Variants in TMEM181 observed in about 807,000 individuals in gnomAD.
TMEM181 encodes the protein transmembrane protein 181.
TMEM181 carries 39 observed loss-of-function variants against 71.9 expected under a neutral mutation model. The observed-to-expected ratio is 0.54, with a 90% CI of 0.42 to 0.71. The LOEUF (loss-of-function observed/expected upper bound fraction) is 0.71, where lower values mean the gene tolerates loss of function less well. Ranked by LOEUF, TMEM181 falls within the 30% of genes least tolerant of loss-of-function variation. TMEM181 has a pLI of 0.00. For synonymous variants in TMEM181, 245 were observed against 228.8 expected (o/e 1.07, Z -0.64); for missense variants, 595 against 583.0 (o/e 1.02, Z -0.21).
At chr6:158,551,264 T>C (rs1781716376) in intron 1 of TMEM181, among the ~76,000 whole-genome samples, 1 of 152,154 alleles carries the variant, frequency 6.6e-6, no homozygotes, top group South Asian at 2.1e-4. Context: ...CCGGCTCAAT[T>C]ATTTAATTTT....
chr6:158,604,349 T>C (rs62437848), intron 6 of TMEM181, among the ~76,000 whole-genome samples: 1 of 145,852 alleles, frequency 6.9e-6, no homozygotes, highest in South Asian at 2.2e-4. Flanking sequence ...TGTGTGTGTG[T>C]GTGCGTGATG....
At chr6:158,627,883 G>A (rs980397641) in intron 13 of TMEM181, among the ~76,000 whole-genome samples, 1 of 152,188 alleles carries the variant, frequency 6.6e-6, no homozygotes, top group Non-Finnish European at 1.5e-5. Flanking sequence ...CCTGTGTCCC[G>A]AGGCCTCTGT....
chr6:158,581,751 C>T (rs774143387), intron 3 of TMEM181, among the ~76,000 whole-genome samples: 178 of 15,306 alleles, frequency 0.012, 1 homozygote, highest in Non-Finnish European at 0.017. Context: ...GAGACTCTGT[C>T]TCAAAAAAAA....
Position 158,597,147 on chromosome 6 carries a change from G to A in TMEM181, c.492+7365G>A, listed in dbSNP as rs181971924. 5.0e-4 allele frequency among the ~76,000 whole-genome samples: 76 copies of A among 152,224 alleles called. 1 individual carries two copies. In the East Asian group the frequency reaches 9.7e-3, roughly 19 times the overall value. On this transcript the variant is annotated intron_variant, in intron 6 of 16. Transcript: ENST00000684151. ...TCCATCTGGCACTGTTGTTGATGCCGTCTCCCTTTAACTCAAGAAGCTGAT... is the reference window on the plus strand; with the variant it reads ...TCCATCTGGCACTGTTGTTGATGCCATCTCCCTTTAACTCAAGAAGCTGAT...
At chr6:158,583,528 G>T (rs1184177768) in intron 3 of TMEM181, among the ~76,000 whole-genome samples, 2 of 152,184 alleles carry the variant, frequency 1.3e-5, no homozygotes, top group African/African-American at 4.8e-5. Flanking sequence ...ATGGCCGGGC[G>T]CAGTGGCTAA....
chr6:158,557,505 A>ATTAATTATTTATTTATTTAT (rs1554301648), upstream of TMEM181, among the ~76,000 whole-genome samples: 6 of 146,834 alleles, frequency 4.1e-5, no homozygotes, highest in African/African-American at 1.5e-4. Context: ...CACAGCTGTA[A>ATTAATTATTTATTTATTTAT]TTATTTATTT....
rs1319038901 is a variant in TMEM181 at position 158,629,934 on chromosome 6, CTT to C, written c.1282+116_1282+117del. ...ATGTGGGCGCTGTGATTCCCAGTGA[CTT>C]CTCTTGGCAGAGAGAGAGTGAGTTG... On this transcript the variant is annotated intron_variant, in intron 15 of 16. Coordinates refer to ENST00000684151, the MANE Select transcript of TMEM181 (RefSeq NM_001376852.1). 7 of 858,498 alleles carry C rather than the reference CTT, an allele frequency of 8.2e-6. No individual in the cohort carries two copies. In the Admixed American group the frequency reaches 1.4e-4, roughly 17 times the overall value. The allele number at this position is 858,498 out of a possible 1,614,324, so 53.2% of individuals were successfully genotyped here.
At chr6:158,582,058 G>A (rs1389486514) in intron 3 of TMEM181, among the ~76,000 whole-genome samples, 3 of 152,048 alleles carry the variant, frequency 2.0e-5, no homozygotes, top group African/African-American at 7.2e-5. Flanking sequence ...AAAGTCAAAA[G>A]AAGAAAAAGT....
intron 1 of TMEM181, among the ~76,000 whole-genome samples, chr6:158,540,004 C>A (rs1207343246): frequency 6.6e-6 from 1 of 152,138 alleles, no homozygotes; most frequent in African/African-American, 2.4e-5. Context: ...CCAGTCTAAA[C>A]AATAAGGGAA....
At chr6:158,623,408 T>C (rs9347247) in intron 10 of TMEM181, 142 bp from the exon 11 acceptor site, 157,020 of 512,602 alleles carry the variant, frequency 0.31, 26,790 homozygotes, top group East Asian at 0.65. Flanking sequence ...AAATTTAGGA[T>C]TGCTTTGTAA....
At chr6:158,574,801 G>A (rs922398934) in intron 2 of TMEM181, among the ~76,000 whole-genome samples, 1 of 152,146 alleles carries the variant, frequency 6.6e-6, no homozygotes, top group Non-Finnish European at 1.5e-5. Flanking sequence ...TCTATTATAA[G>A]GAATTGGTAC....
intron 2 of TMEM181, among the ~76,000 whole-genome samples, chr6:158,575,290 T>C (rs1367437913): frequency 6.6e-6 from 1 of 152,192 alleles, no homozygotes; most frequent in African/African-American, 2.4e-5. Context: ...TTAGTAACTG[T>C]CATTTTGCAA....
At chr6:158,579,360 T>G (rs2128297870) in intron 2 of TMEM181, among the ~76,000 whole-genome samples, 1 of 151,988 alleles carries the variant, frequency 6.6e-6, no homozygotes, top group East Asian at 1.9e-4. Flanking sequence ...ACAGTATCCA[T>G]TGACAGATAA....
rs41267045 is a variant in TMEM181, at chr6:158,628,359, C to T, written c.1110-49C>T. 371 of 1,568,562 alleles carry T rather than the reference C, an allele frequency of 2.4e-4. 2 individuals are homozygous for T. Among genetic ancestry groups the T allele is most frequent in the Middle Eastern group, 1.8e-3 (11 of 5,996 alleles). On this transcript the variant is annotated intron_variant, in intron 13 of 16. Coordinates refer to ENST00000684151, the MANE Select transcript of TMEM181 (RefSeq NM_001376852.1). ...ATAGAGAATTCTCTGAAGCTAGTGC[C>T]GTTTTCGTGCATGTTTACATATTGT...
intron 1 of TMEM181, among the ~76,000 whole-genome samples, chr6:158,550,219 G>A (rs983281152): frequency 1.3e-5 from 2 of 151,686 alleles, no homozygotes; most frequent in Non-Finnish European, 2.9e-5. Flanking sequence ...GGGACTGGCT[G>A]TGAGGCTAAG....
chr6:158,608,786 G>A, intron 10 of TMEM181, 36 bp downstream of exon 10: 6 of 1,591,800 alleles, frequency 3.8e-6, no homozygotes, highest in Non-Finnish European at 5.1e-6. Flanking sequence ...CTTCAGTCAT[G>A]AAAAGCATTT....
At chr6:158,579,180 A>G (rs1783329185) in intron 2 of TMEM181, among the ~76,000 whole-genome samples, 1 of 151,712 alleles carries the variant, frequency 6.6e-6, no homozygotes. Flanking sequence ...AAACACTTGA[A>G]CCCAGGAGGC....
intron 3 of TMEM181, among the ~76,000 whole-genome samples, chr6:158,583,237 AAAT>A (rs1388390608): frequency 1.3e-5 from 2 of 152,182 alleles, no homozygotes; most frequent in South Asian, 2.1e-4. Context: ...CCGTCTCAAA[AAAT>A]AATAATTCTT....
Position 158,625,113 on chromosome 6 carries a change from G to A in TMEM181, c.964G>A (p.Val322Ile), listed in dbSNP as rs754058548. 13 of 1,613,318 alleles carry A rather than the reference G, an allele frequency of 8.1e-6. No individual in the cohort carries two copies. The African/African-American group carries it at 9.3e-5, about 12-fold the overall frequency. Residue 322 changes from valine (V) to isoleucine (I), a missense_variant, in exon 12 of 17, where the codon GTC (valine) becomes ATC (isoleucine). By Grantham distance (29) the Val-to-Ile change is conservative. Transcript: ENST00000684151. Reference protein sequence around the residue: ...VDTGNFQGMKVFFMVVAAVYI... With the variant: ...VDTGNFQGMKIFFMVVAAVYI... ...CCTTGTGTCCTCCTAGGGAATGAAG[G>A]TCTTCTTCATGGTGGTGGCAGCGGT...
Sources: gnomAD v4.1 joint callset for allele counts (sites outside exome capture counted in the v4.1 genomes callset) on GRCh38, gnomAD v4.1.1 for gene constraint, MANE v1.5 for transcripts, NCBI Gene and HGNC (gene_info 2026-07-23, HGNC 2026-07-21) for gene names.